Variants in ABCC6 observed in about 807,000 individuals in gnomAD.
The protein encoded by ABCC6 is ATP-binding cassette sub-family C member 6.
A neutral mutation model predicts 169.5 loss-of-function variants in ABCC6; 126 were observed. The ratio of observed to expected loss-of-function variants is 0.74; its 90% CI spans 0.64 to 0.86. ABCC6 has a LOEUF of 0.86. Among genes scored for constraint, ABCC6 ranks in the 40% least tolerant of loss-of-function variants. The pLI is 0.00. For missense variants in ABCC6, 1,733 were observed against 1,927.2 expected (o/e 0.90, Z 1.89); for synonymous variants, 752 against 814.7 (o/e 0.92, Z 1.31).
intron 29 of ABCC6, among the ~76,000 whole-genome samples, chr16:16,153,037 T>C (rs546214308): frequency 6.6e-6 from 1 of 152,072 alleles, no homozygotes; most frequent in Non-Finnish European, 1.5e-5. Context: ...CCCACGTAAC[T>C]GGGATTACAG....
At chr16:16,190,754 G>A (rs995070586) in intron 11 of ABCC6, among the ~76,000 whole-genome samples, 1 of 150,618 alleles carries the variant, frequency 6.6e-6, no homozygotes, top group Non-Finnish European at 1.5e-5. Flanking sequence ...GGTTGGCCTC[G>A]AGCTCCTGGG....
chr16:16,198,743 C>A lies in ABCC6; in HGVS notation c.1177-561G>T, dbSNP rs1016835558. On this transcript the variant is annotated intron_variant, in intron 9 of 30. Coordinates refer to ENST00000205557, the MANE Select transcript of ABCC6 (RefSeq NM_001171.6). ...GTGCGGTGCCTCACGTCTATAATCCCAGCACTTTGGGAGGCCGAGGTGGAC... is the reference window on the plus strand; with the variant it reads ...GTGCGGTGCCTCACGTCTATAATCCAAGCACTTTGGGAGGCCGAGGTGGAC... 4.0e-5 allele frequency among the ~76,000 whole-genome samples: 6 copies of A among 150,608 alleles called. No homozygotes were observed. The Admixed American group carries it at 4.0e-4, about 10-fold the overall frequency.
chr16:16,153,534 G>C (rs2046449686), intron 29 of ABCC6, among the ~76,000 whole-genome samples: 1 of 152,076 alleles, frequency 6.6e-6, no homozygotes. Context: ...GCTGGGGGAG[G>C]GGACAAGGAG....
At chr16:16,210,766 C>T (rs1290623606) in intron 6 of ABCC6, among the ~76,000 whole-genome samples, 1 of 152,132 alleles carries the variant, frequency 6.6e-6, no homozygotes, top group Non-Finnish European at 1.5e-5. Context: ...CTACCAGTTC[C>T]ACACATTCAA....
At chr16:16,155,245 C>T (rs1486707301) in intron 27 of ABCC6, 1 of 619,584 alleles carries the variant, frequency 1.6e-6, no homozygotes, top group Admixed American at 3.0e-5. Context: ...TTTCCCTTAT[C>T]CTGATATCTC....
chr16:16,168,455 C>T (rs2046952149), intron 22 of ABCC6, among the ~76,000 whole-genome samples: 2 of 152,172 alleles, frequency 1.3e-5, no homozygotes, highest in African/African-American at 4.8e-5. Context: ...CACTGCATTC[C>T]AGCCTGGGTG....
At chr16:16,155,156 A>C in intron 27 of ABCC6, 125 bp from the exon 28 acceptor site, 2 of 1,146,386 alleles carry the variant, frequency 1.7e-6, no homozygotes, top group Non-Finnish European at 2.5e-6. Flanking sequence ...TCTACCTTCC[A>C]TCTCTCTTTC....
In ABCC6 at chr16:16,198,095, C is replaced by T. The variant is rs770532500; in HGVS notation, c.1264G>A (p.Glu422Lys). ...AGCCCGTTGAGGTAGAGGACGCTCT[C>T]GGTCAGCCGCTGCACGTCCACGGAC... ...LVSVDVQRLTESVLYLNGLWL... is the reference protein window; with the variant it reads ...LVSVDVQRLTKSVLYLNGLWL... Residue 422 changes from glutamate (E) to lysine (K), a missense_variant, in exon 10 of 31, where the codon GAG (glutamate) becomes AAG (lysine). By Grantham distance (56) the Glu-to-Lys change is moderately conservative. This residue lies in a region of ABCC6 where 1,601 missense variants were observed against 1,635.5 expected (regional missense o/e 0.98). Transcript: ENST00000205557. 1.2e-5 allele frequency: 20 copies of T among 1,613,604 alleles called. No homozygotes were observed. The highest frequency in any genetic ancestry group is 1.0e-4 in the Admixed American group (6 of 59,968).
Position 16,163,241 on chromosome 16 carries a change from G to A in ABCC6, c.3307-49C>T, listed in dbSNP as rs1459835691. ...GAAGAGGAGAAGCCACAGACATAGA[G>A]AGGTAGTTTCCAGAAGCACAGAGAG... On this transcript the variant is annotated intron_variant, in intron 23 of 30. Coordinates refer to ENST00000205557, the MANE Select transcript of ABCC6 (RefSeq NM_001171.6). 4 of 1,577,612 alleles carry A rather than the reference G, an allele frequency of 2.5e-6. No homozygotes were observed. In the South Asian group the frequency reaches 4.4e-5, roughly 18 times the overall value.
Position 16,210,557 on chromosome 16 carries a change from A to G in ABCC6, c.662+1628T>C, listed in dbSNP as rs144962005. On this transcript the variant is annotated intron_variant, in intron 6 of 30. Coordinates refer to ENST00000205557, the MANE Select transcript of ABCC6 (RefSeq NM_001171.6). ...TTGGAGTTCTCCTATATGGCAAGTG[A>G]TGCTATAGATTTTTCCTATTTTAGC... Among the ~76,000 whole-genome samples, 981 of 152,330 alleles carry G rather than the reference A, an allele frequency of 6.4e-3. 12 individuals carry two copies. Among genetic ancestry groups the G allele is most frequent in the African/African-American group, 0.023 (937 of 41,568 alleles).
rs187517296 is a variant in ABCC6 at position 16,207,411 on chromosome 16, G to A, written c.794+1317C>T. On this transcript the variant is annotated intron_variant, in intron 7 of 30. Coordinates refer to ENST00000205557, the MANE Select transcript of ABCC6 (RefSeq NM_001171.6). ...AGTTTGCTGAACTTGCATGGGAAGG[G>A]ATAGGCCTTATGGAGAGACCAACAC... 5.3e-5 allele frequency among the ~76,000 whole-genome samples: 8 copies of A among 152,328 alleles called. No individual in the cohort carries two copies. In the East Asian group the frequency reaches 1.5e-3, roughly 29 times the overall value.
In ABCC6 at chr16:16,174,310, A is replaced by T. The variant is rs566939715; in HGVS notation, c.2667-906T>A. 2.6e-5 allele frequency among the ~76,000 whole-genome samples: 4 copies of T among 152,292 alleles called. No individual in the cohort carries two copies. In the East Asian group the frequency reaches 7.7e-4, roughly 29 times the overall value. On this transcript the variant is annotated intron_variant, in intron 20 of 30. Coordinates refer to ENST00000205557, the MANE Select transcript of ABCC6 (RefSeq NM_001171.6). ...CCAATAAAGCAAACGCTGAGCTGTAACCAATCCGGCTGTTTCTGTACCTCA... is the reference window on the plus strand; with the variant it reads ...CCAATAAAGCAAACGCTGAGCTGTATCCAATCCGGCTGTTTCTGTACCTCA...
At position 16,198,136 on chromosome 16, in the gene ABCC6, T is replaced by C. The variant is rs528670320; in HGVS notation, c.1223A>G (p.Asp408Gly). 3.7e-6 allele frequency: 6 copies of C among 1,610,758 alleles called. No homozygotes were observed. In the South Asian group the frequency reaches 6.6e-5, roughly 18 times the overall value. ...SGSRKASAVG[D>G]VVNLVSVDVQ... is the part of the protein sequence containing the mutation. ...GTCCACGGACACCAGATTGACCACA[T>C]CACCCACCGCACTGGCCTTTCTGGA... The change falls in exon 10 of 31, where the codon GAT becomes GGT. Residue 408 changes from aspartate to glycine, a missense_variant. Around this residue, in one of 5 missense-constraint regions of ABCC6, gnomAD observed 1,601 missense variants for 1,635.5 expected, o/e 0.98. Coordinates refer to ENST00000205557, the MANE Select transcript of ABCC6 (RefSeq NM_001171.6).
At chr16:16,168,372 G>A (rs1385856744) in intron 22 of ABCC6, among the ~76,000 whole-genome samples, 3 of 23,868 alleles carry the variant, frequency 1.3e-4, no homozygotes, top group Non-Finnish European at 3.8e-4. Flanking sequence ...TGTAGTCCCA[G>A]CTACTCGGGA....
chr16:16,175,261 A>G (rs62030311), intron 20 of ABCC6, among the ~76,000 whole-genome samples: 1,636 of 152,166 alleles, frequency 0.011, 17 homozygotes, highest in Non-Finnish European at 0.018. Context: ...GCCCCTCAAG[A>G]TCGCTGCCGC....
chr16:16,149,985 C>T lies in ABCC6; in HGVS notation c.*148G>A. The stretch of plus-strand genomic sequence containing the variant: ...GCTCTGATGCTCTGTGATAATTGGC[C>T]ACTTTCTCTGCCATTTTCCTCCCAG... On this transcript the variant is annotated 3_prime_UTR_variant, in exon 31 of 31. Transcript: ENST00000205557. 3 of 1,257,748 alleles carry T rather than the reference C, an allele frequency of 2.4e-6. No individual in the cohort carries two copies. The highest frequency in any genetic ancestry group is 2.3e-6 in the Non-Finnish European group (2 of 885,626). 77.9% of individuals were successfully genotyped at this position (1,257,748 alleles called of 1,614,324 possible).
intron 21 of ABCC6, 136 bp downstream of exon 21, chr16:16,173,148 T>C (rs1417357560): frequency 3.4e-6 from 4 of 1,163,620 alleles, no homozygotes; most frequent in Non-Finnish European, 5.0e-6. Flanking sequence ...AAAATGAACA[T>C]CTAGAATGCT....
At chr16:16,186,387 A>C (rs1009911896) in intron 14 of ABCC6, among the ~76,000 whole-genome samples, 3 of 152,058 alleles carry the variant, frequency 2.0e-5, no homozygotes, top group Non-Finnish European at 4.4e-5. Flanking sequence ...GACTGGTACC[A>C]GTCTGCAGCC....
chr16:16,214,974 G>T lies in ABCC6; in HGVS notation c.475-525C>A, dbSNP rs549686012. 3.9e-5 allele frequency among the ~76,000 whole-genome samples: 6 copies of T among 152,290 alleles called. No individual in the cohort carries two copies. In the East Asian group the frequency reaches 1.2e-3, roughly 29 times the overall value. ...TATACAAATGGTGGGCCAGGGCTGC[G>T]TCTGGGTTTTGTCCTTAGCCACATG... On this transcript the variant is annotated intron_variant, in intron 4 of 30. Coordinates refer to ENST00000205557, the MANE Select transcript of ABCC6 (RefSeq NM_001171.6).
Sources: allele counts gnomAD v4.1 joint callset (sites outside exome capture counted in the v4.1 genomes callset), GRCh38; gene constraint gnomAD v4.1.1; regional missense constraint gnomAD v4.1.1; transcripts MANE v1.5; gene names NCBI Gene and HGNC (gene_info 2026-07-23, HGNC 2026-07-21).